KCND3: variants seen among roughly 807,000 people sequenced by gnomAD.
KCND3 encodes A-type voltage-gated potassium channel KCND3.
Under a neutral mutation model 51.1 loss-of-function variants are expected in KCND3, and 9 were observed. That is an observed-to-expected ratio of 0.18 (90% CI 0.11 to 0.31). The LOEUF (loss-of-function observed/expected upper bound fraction) is 0.31, where lower values mean the gene tolerates loss of function less well. KCND3 is among the 10% of genes least tolerant of loss of function. The pLI is 1.00. For missense variants in KCND3, 526 were observed against 903.8 expected (o/e 0.58, Z 5.36); for synonymous variants, 349 against 368.0 (o/e 0.95, Z 0.59).
At chr1:111,941,224 C>G (rs1672501922) in intron 2 of KCND3, among the ~76,000 whole-genome samples, 2 of 152,144 alleles carry the variant, frequency 1.3e-5, no homozygotes, top group African/African-American at 4.8e-5. Context: ...CTTCTCACTG[C>G]TAGGCACCCA....
At chr1:111,928,018 G>A (rs1671790787) in intron 2 of KCND3, among the ~76,000 whole-genome samples, 1 of 152,018 alleles carries the variant, frequency 6.6e-6, no homozygotes, top group African/African-American at 2.4e-5. Context: ...GGACCTACCA[G>A]GCCCCTGCCA....
chr1:111,944,360 A>G (rs1486095537), intron 2 of KCND3, among the ~76,000 whole-genome samples: 1 of 152,250 alleles, frequency 6.6e-6, no homozygotes. Flanking sequence ...TTAAGATACA[A>G]TTACAAAGCC....
At chr1:111,787,911 C>T (rs1054351367) in intron 2 of KCND3, among the ~76,000 whole-genome samples, 1 of 152,206 alleles carries the variant, frequency 6.6e-6, no homozygotes, top group African/African-American at 2.4e-5. Context: ...ATTTGCTCAG[C>T]TGGGATTAAA....
At chr1:111,845,289 A>C (rs2101650557) in intron 2 of KCND3, among the ~76,000 whole-genome samples, 1 of 152,060 alleles carries the variant, frequency 6.6e-6, no homozygotes, top group Middle Eastern at 3.4e-3. Flanking sequence ...TTCTGAGCAC[A>C]CCTCACATTT....
chr1:111,833,571 A>G (rs1020950477), intron 2 of KCND3, among the ~76,000 whole-genome samples: 10 of 152,342 alleles, frequency 6.6e-5, no homozygotes, highest in African/African-American at 2.4e-4. Context: ...AGCCAGCCAG[A>G]ATTTGTTGGA....
At chr1:111,805,676 G>A (rs1284523389) in intron 2 of KCND3, among the ~76,000 whole-genome samples, 2 of 152,230 alleles carry the variant, frequency 1.3e-5, no homozygotes, top group African/African-American at 4.8e-5. Flanking sequence ...AGAGTCAAGC[G>A]AGGAGCGGGG....
At chr1:111,812,577 C>A (rs190450228) in intron 2 of KCND3, among the ~76,000 whole-genome samples, 4 of 152,188 alleles carry the variant, frequency 2.6e-5, no homozygotes, top group Non-Finnish European at 4.4e-5. Flanking sequence ...TCACGTGGAC[C>A]TTTTACATTT....
chr1:111,877,322 C>T (rs1451654212), intron 2 of KCND3, among the ~76,000 whole-genome samples: 1 of 152,230 alleles, frequency 6.6e-6, no homozygotes, highest in Non-Finnish European at 1.5e-5. Context: ...TTGCCTCTAT[C>T]CAAAAATGCT....
chr1:111,845,265 T>A (rs1667493514), intron 2 of KCND3, among the ~76,000 whole-genome samples: 1 of 152,156 alleles, frequency 6.6e-6, no homozygotes, highest in Admixed American at 6.5e-5. Context: ...TCTCTCCTGG[T>A]TTTTCTCCTG....
chr1:111,834,149 C>T (rs1162268546), intron 2 of KCND3, among the ~76,000 whole-genome samples: 1 of 152,182 alleles, frequency 6.6e-6, no homozygotes, highest in African/African-American at 2.4e-5. Context: ...TACAGATCTG[C>T]ATCTAGCTCT....
At chr1:111,841,244 G>T (rs527778176) in intron 2 of KCND3, among the ~76,000 whole-genome samples, 11 of 152,300 alleles carry the variant, frequency 7.2e-5, no homozygotes, top group South Asian at 4.1e-4. Context: ...CACATGGGCG[G>T]CTTCCTCTGG....
In KCND3 at chr1:111,928,218, C is replaced by T. The variant is rs1379128489; in HGVS notation, c.1106+53403G>A. Among the ~76,000 whole-genome samples, 9 of 152,122 alleles carry T rather than the reference C, an allele frequency of 5.9e-5. No homozygotes were observed. In the South Asian group the frequency reaches 1.0e-3, roughly 18 times the overall value. ...ACCAAATGATTAGAACAGTGTCTGTCGCATAGGAGCTCGACAAATACTTGT... is the reference window on the plus strand; with the variant it reads ...ACCAAATGATTAGAACAGTGTCTGTTGCATAGGAGCTCGACAAATACTTGT... On this transcript the variant is annotated intron_variant, in intron 2 of 7. Coordinates refer to ENST00000302127, the MANE Select transcript of KCND3 (RefSeq NM_001378969.1).
intron 2 of KCND3, among the ~76,000 whole-genome samples, chr1:111,842,753 G>C (rs1226951976): frequency 6.6e-6 from 1 of 152,212 alleles, no homozygotes. Flanking sequence ...CAGATAGAAT[G>C]AACCAAGAGG....
chr1:111,866,263 CTTTT>C (rs11399761), intron 2 of KCND3, among the ~76,000 whole-genome samples: 7 of 54,256 alleles, frequency 1.3e-4, no homozygotes, highest in South Asian at 6.0e-4. Flanking sequence ...CTTTTCTTTT[CTTTT>C]TTTTTTTTTT....
intron 2 of KCND3, among the ~76,000 whole-genome samples, chr1:111,934,274 C>G (rs1476698403): frequency 6.6e-6 from 1 of 152,206 alleles, no homozygotes; most frequent in Non-Finnish European, 1.5e-5. Flanking sequence ...ACACCCCAGC[C>G]CCCAGCCCAT....
chr1:111,821,713 A>G (rs925454847), intron 2 of KCND3, among the ~76,000 whole-genome samples: 4 of 152,096 alleles, frequency 2.6e-5, no homozygotes, highest in African/African-American at 9.7e-5. Context: ...TCCAGTACGA[A>G]CAGCCAGATG....
intron 2 of KCND3, among the ~76,000 whole-genome samples, chr1:111,964,558 C>CA (rs1329598634): frequency 6.6e-6 from 1 of 152,176 alleles, no homozygotes; most frequent in Non-Finnish European, 1.5e-5. Flanking sequence ...CAGGTGACCA[C>CA]AATGGGAAGC....
At chr1:111,789,137 C>T (rs1207507844) in intron 2 of KCND3, among the ~76,000 whole-genome samples, 1 of 152,112 alleles carries the variant, frequency 6.6e-6, no homozygotes, top group Non-Finnish European at 1.5e-5. Flanking sequence ...AAGAACAATG[C>T]CAGGAAGGCT....
chr1:111,776,269 G>A lies in KCND3; in HGVS notation c.1776C>T (p.Ser592=). The change falls in exon 8 of 8, where the codon AGC becomes AGT. Residue 592 remains serine (S), a synonymous_variant. Transcript: ENST00000302127. ...GTCCGTCGTCTGCTTTCAAATTAAG[G>A]CTGGAGCGACTGGGATAGAAAAGAG... ...EQPSLTTSRS[S]LNLKADDGLR... 6.2e-7 allele frequency: 1 copy of A among 1,613,996 alleles called. No individual in the cohort carries two copies. The highest frequency in any genetic ancestry group is 8.5e-7 in the Non-Finnish European group (1 of 1,179,944).
Sources: gnomAD v4.1 joint callset for allele counts (sites outside exome capture counted in the v4.1 genomes callset) on GRCh38, gnomAD v4.1.1 for gene constraint, MANE v1.5 for transcripts, NCBI Gene and HGNC (gene_info 2026-07-23, HGNC 2026-07-21) for gene names.